The following PUM1 variants were observed in gnomAD, a reference collection of about 807,000 sequenced individuals.
PUM1 encodes pumilio homolog 1.
PUM1 carries 13 observed loss-of-function variants against 131.8 expected under a neutral mutation model. The observed-to-expected ratio is 0.10, with a 90% CI of 0.06 to 0.16. The LOEUF is 0.16. Ranked by LOEUF, PUM1 falls within the 10% of genes least tolerant of loss-of-function variation. The pLI is 1.00. For missense variants in PUM1, 961 were observed against 1,512.4 expected (o/e 0.64, Z 6.05); for synonymous variants, 509 against 556.5 (o/e 0.91, Z 1.20).
At chr1:31,022,630 A>G (rs923548628) in intron 3 of PUM1, among the ~76,000 whole-genome samples, 4 of 152,148 alleles carry the variant, frequency 2.6e-5, no homozygotes, top group African/African-American at 9.7e-5. Flanking sequence ...CCCAATCCCA[A>G]TCCCAAAATT....
At position 31,006,134 on chromosome 1, in the gene PUM1, G is replaced by T. The variant is rs1284066205; in HGVS notation, c.542-103C>A. 3.8e-6 allele frequency: 4 copies of T among 1,065,478 alleles called. No homozygotes were observed. The African/African-American group carries it at 6.4e-5, about 17-fold the overall frequency. The allele number at this position is 1,065,478 out of a possible 1,614,324, so 66.0% of individuals were successfully genotyped here. On this transcript the variant is annotated intron_variant, in intron 4 of 21. Transcript: ENST00000426105. ...CAATGGAATCAGGAAACTTGCCATG[G>T]TCAGTTGAGCCAAAACCTCCTATCA...
chr1:31,018,076 C>T (rs1018738335), intron 3 of PUM1, among the ~76,000 whole-genome samples: 2 of 152,194 alleles, frequency 1.3e-5, no homozygotes, highest in South Asian at 2.1e-4. Flanking sequence ...TTTTACCAGG[C>T]GCGGTGGCTC....
At chr1:31,050,487 T>C (rs1392794386) in intron 2 of PUM1, among the ~76,000 whole-genome samples, 1 of 151,970 alleles carries the variant, frequency 6.6e-6, no homozygotes, top group African/African-American at 2.4e-5. Flanking sequence ...AAAGAAAAAG[T>C]TATAGTTGAA....
chr1:31,006,157 T>C, intron 4 of PUM1, 126 bp from the exon 5 acceptor site: 1 of 677,088 alleles, frequency 1.5e-6, no homozygotes, highest in Non-Finnish European at 2.4e-6. Context: ...AAACCTCCTA[T>C]CATGTCCCTC....
intron 10 of PUM1, among the ~76,000 whole-genome samples, chr1:30,969,656 G>T (rs1640792894): frequency 2.0e-5 from 3 of 151,268 alleles, no homozygotes; most frequent in African/African-American, 7.3e-5. Context: ...TTTTTGGTGG[G>T]CGGCGGGTGG....
At chr1:31,056,864 CT>C (rs1443365272) in intron 2 of PUM1, among the ~76,000 whole-genome samples, 14 of 151,974 alleles carry the variant, frequency 9.2e-5, no homozygotes, top group African/African-American at 2.7e-4. Flanking sequence ...AAGATCTCAG[CT>C]CACTGCAAAC....
At chr1:31,013,249 A>T (rs1362305186) in intron 3 of PUM1, among the ~76,000 whole-genome samples, 1 of 152,174 alleles carries the variant, frequency 6.6e-6, no homozygotes, top group African/African-American at 2.4e-5. Context: ...CAAGACAATT[A>T]TTGCCTGGAC....
rs79358413 is a variant in PUM1 at position 31,046,791 on chromosome 1, T to C, written c.363+12413A>G. On this transcript the variant is annotated intron_variant, in intron 2 of 21. Transcript: ENST00000426105. ...GGCCCAACTGCAAGTACCAACACAT[T>C]TACACCATTCAGGGCCAAGTTCTTT... 9.5e-3 allele frequency among the ~76,000 whole-genome samples: 1,444 copies of C among 152,096 alleles called. 16 individuals carry two copies. Among genetic ancestry groups the C allele is most frequent in the Non-Finnish European group, 0.01 (710 of 67,976 alleles).
chr1:31,028,191 T>A (rs1248319928), intron 3 of PUM1, among the ~76,000 whole-genome samples: 1 of 152,224 alleles, frequency 6.6e-6, no homozygotes, highest in Non-Finnish European at 1.5e-5. Context: ...AAATTTTGTT[T>A]CTGCAAATTT....
chr1:31,057,893 G>A (rs1021718453), intron 2 of PUM1, among the ~76,000 whole-genome samples: 2 of 152,030 alleles, frequency 1.3e-5, no homozygotes, highest in Non-Finnish European at 2.9e-5. Context: ...AGTACTGACG[G>A]GTGACACAAA....
chr1:31,045,430 C>T (rs1217391498), intron 2 of PUM1, among the ~76,000 whole-genome samples: 1 of 152,086 alleles, frequency 6.6e-6, no homozygotes, highest in African/African-American at 2.4e-5. Context: ...TGAGCCACTG[C>T]ACTGGCCAAA....
intron 3 of PUM1, among the ~76,000 whole-genome samples, chr1:31,024,722 T>C (rs1432167368): frequency 6.6e-6 from 1 of 152,246 alleles, no homozygotes; most frequent in Non-Finnish European, 1.5e-5. Flanking sequence ...ACAAAGTACC[T>C]TTCTGTCAAC....
intron 2 of PUM1, among the ~76,000 whole-genome samples, chr1:31,030,513 G>A (rs1169348480): frequency 6.6e-6 from 1 of 151,990 alleles, no homozygotes; most frequent in African/African-American, 2.4e-5. Context: ...ATGTAGTAGA[G>A]TACCCTGTCT....
rs527489747 is a variant in PUM1 at position 30,940,747 on chromosome 1, A to G, written c.3242+404T>C. Among the ~76,000 whole-genome samples, 4 of 152,326 alleles carry G rather than the reference A, an allele frequency of 2.6e-5. 1 individual carries two copies. The South Asian group carries it at 8.3e-4, about 32-fold the overall frequency. On this transcript the variant is annotated intron_variant, in intron 20 of 21. Coordinates refer to ENST00000426105, the MANE Select transcript of PUM1 (RefSeq NM_001020658.2). ...CTGCATTTCATTCTTGAGCTTGCAC[A>G]ATATGAAGACTGGAAAAGAGATCCT...
rs866982479 is a variant in PUM1 at position 30,999,335 on chromosome 1, G to A, written c.721-4115C>T. Among the ~76,000 whole-genome samples the A allele has an allele frequency of 1.6e-4, 24 of 152,142 alleles. No homozygotes were observed. In the Middle Eastern group the frequency reaches 0.017, roughly 108 times the overall value. ...AAAAAATACTGAACCCGCCAGGTGC[G>A]GTGGCTCACACCTGTAATCCCAGCA... On this transcript the variant is annotated intron_variant, in intron 5 of 21. Transcript: ENST00000426105.
chr1:31,016,167 G>C (rs1017591173), intron 3 of PUM1, among the ~76,000 whole-genome samples: 1 of 152,152 alleles, frequency 6.6e-6, no homozygotes, highest in African/African-American at 2.4e-5. Context: ...ATGCTCACTG[G>C]ATCATTTCAG....
intron 17 of PUM1, among the ~76,000 whole-genome samples, chr1:30,948,475 G>A (rs937156656): frequency 3.3e-5 from 5 of 151,952 alleles, no homozygotes; most frequent in East Asian, 1.9e-4. Context: ...AGGAAACAAC[G>A]ACAGCTGGGT....
At chr1:31,046,093 G>GA (rs1199816953) in intron 2 of PUM1, among the ~76,000 whole-genome samples, 5 of 138,700 alleles carry the variant, frequency 3.6e-5, no homozygotes, top group Non-Finnish European at 6.3e-5. Context: ...AAATAATTTA[G>GA]AAAAAAAAAA....
chr1:30,964,637 C>G lies in PUM1; in HGVS notation c.2323+37G>C, dbSNP rs554163755. 2.6e-4 allele frequency: 396 copies of G among 1,537,718 alleles called. 10 individuals are homozygous for G. In the South Asian group the frequency reaches 4.3e-3, roughly 17 times the overall value. Reference sequence around the variant, plus strand: ...TAATGTCATCGGTGGCAAGAGAGTTCTAGAGTTCAAGGTGGTGTTAGAGTA... The same window carrying G: ...TAATGTCATCGGTGGCAAGAGAGTTGTAGAGTTCAAGGTGGTGTTAGAGTA... On this transcript the variant is annotated intron_variant, in intron 14 of 21. Transcript: ENST00000426105.
Sources: allele counts gnomAD v4.1 joint callset (sites outside exome capture counted in the v4.1 genomes callset), GRCh38; gene constraint gnomAD v4.1.1; transcripts MANE v1.5; gene names NCBI Gene and HGNC (gene_info 2026-07-23, HGNC 2026-07-21).